The following UNC79 variants were observed in gnomAD, a reference collection of about 807,000 sequenced individuals.
UNC79 encodes the protein unc-79 subunit of NALCN channel complex, also known as protein unc-79 homolog.
Under a neutral mutation model 283.1 loss-of-function variants are expected in UNC79, and 37 were observed. The observed-to-expected ratio is 0.13, with a 90% CI of 0.10 to 0.17. The LOEUF (loss-of-function observed/expected upper bound fraction) is 0.17, where lower values mean the gene tolerates loss of function less well. Among genes scored for constraint, UNC79 ranks in the 10% least tolerant of loss-of-function variants. UNC79 has a pLI of 1.00. For missense variants in UNC79, 2,272 were observed against 3,211.1 expected (o/e 0.71, Z 7.07); for synonymous variants, 1,107 against 1,200.2 (o/e 0.92, Z 1.61).
chr14:93,500,987 CTT>C (rs1369128217), intron 7 of UNC79, among the ~76,000 whole-genome samples: 1 of 152,150 alleles, frequency 6.6e-6, no homozygotes, highest in African/African-American at 2.4e-5. Flanking sequence ...GAACCAGCAA[CTT>C]TTGTTTGTTT....
chr14:93,494,330 T>C lies in UNC79; in HGVS notation c.713-2081T>C, dbSNP rs199692687. Among the ~76,000 whole-genome samples, 15 of 152,160 alleles carry C rather than the reference T, an allele frequency of 9.9e-5. No homozygotes were observed. In the East Asian group the frequency reaches 2.9e-3, roughly 29 times the overall value. ...TTCTGCCAGGCCCCACCTCCAACAC[T>C]GGGGATTACAACTGAACATGAGATT... On this transcript the variant is annotated intron_variant, in intron 5 of 48. Coordinates refer to ENST00000555664, the Ensembl canonical transcript of UNC79.
intron 20 of UNC79, among the ~76,000 whole-genome samples, chr14:93,583,332 TAATA>T (rs796782748): frequency 2.0e-5 from 3 of 148,444 alleles, no homozygotes; most frequent in African/African-American, 7.5e-5. Flanking sequence ...AAAAAAAAAA[TAATA>T]AATAAATAAA....
intron 13 of UNC79, among the ~76,000 whole-genome samples, chr14:93,541,777 G>A (rs139345236): frequency 0.028 from 4,215 of 152,156 alleles, 216 homozygotes; most frequent in African/African-American, 0.097. Flanking sequence ...AGGCCAAGAC[G>A]GGCAGATCAC....
intron 14 of UNC79, among the ~76,000 whole-genome samples, chr14:93,570,812 CA>C (rs761100563): frequency 1.2e-4 from 19 of 152,128 alleles, no homozygotes; most frequent in Non-Finnish European, 1.8e-4. Context: ...TTAGGGTTTC[CA>C]AAAGCGTACT....
chr14:93,399,166 C>T (rs1296308627), intron 1 of UNC79, among the ~76,000 whole-genome samples: 1 of 152,088 alleles, frequency 6.6e-6, no homozygotes, highest in Non-Finnish European at 1.5e-5. Context: ...TGAGTAAGTA[C>T]AGCATGAGGA....
At position 93,347,494 on chromosome 14, in the gene UNC79, G is replaced by C; in HGVS notation, c.-351+13971G>C. On this transcript the variant is annotated intron_variant, in intron 1 of 49. Transcript: ENST00000256339. ...AGGGAGGACACGGCGTGCAGGCCTC[G>C]CGTGGGAGGCTCTTGTGGCTTGGTC... is the stretch of plus-strand genomic sequence containing the variant. The C allele has an allele frequency of 2.3e-6, 3 of 1,280,548 alleles. No homozygotes were observed. In the South Asian group the frequency reaches 5.4e-5, roughly 23 times the overall value. The allele number at this position is 1,280,548 out of a possible 1,614,324, so 79.3% of individuals were successfully genotyped here. A position where few individuals can be genotyped will look rare whatever the true frequency, so the allele number is the denominator to read the frequency against.
upstream of UNC79, among the ~76,000 whole-genome samples, chr14:93,426,697 T>G (rs528902731): frequency 1.1e-4 from 17 of 152,230 alleles, no homozygotes; most frequent in African/African-American, 4.1e-4. Flanking sequence ...TTTTGAGTTC[T>G]AAAATTTCCA....
chr14:93,365,770 A>G (rs1283501488), intron 1 of UNC79, among the ~76,000 whole-genome samples: 1 of 152,174 alleles, frequency 6.6e-6, no homozygotes, highest in Non-Finnish European at 1.5e-5. Context: ...TGGAATATAG[A>G]TTCAGGAATT....
In UNC79 at chr14:93,622,705, T is replaced by G. The variant is rs756495757; in HGVS notation, c.5472T>G (p.Ala1824=). The change falls in exon 30 of 49, where the codon GCT becomes GCG. Residue 1824 remains alanine, a synonymous_variant. Coordinates refer to ENST00000555664, the Ensembl canonical transcript of UNC79. ...AAAGGAAGGTGGAAGAGGATGGAGC[T>G]GAGGAATCCGAATTTAAGATTCAGA... The G allele has an allele frequency of 3.7e-6, 6 of 1,614,142 alleles. No homozygotes were observed. In the East Asian group the frequency reaches 1.3e-4, roughly 36 times the overall value.
chr14:93,480,798 G>A (rs1417940526), intron 4 of UNC79, among the ~76,000 whole-genome samples: 1 of 152,114 alleles, frequency 6.6e-6, no homozygotes, highest in Non-Finnish European at 1.5e-5. Flanking sequence ...ACCAAAACAA[G>A]ACAAGAACGC....
chr14:93,454,540 C>T (rs144447343), intron 1 of UNC79, among the ~76,000 whole-genome samples: 235 of 152,270 alleles, frequency 1.5e-3, no homozygotes, highest in Non-Finnish European at 2.6e-3. Flanking sequence ...CTATCATTTA[C>T]CTCCTATGTG....
At chr14:93,393,983 T>C (rs1425756355) in intron 1 of UNC79, among the ~76,000 whole-genome samples, 1 of 149,590 alleles carries the variant, frequency 6.7e-6, no homozygotes, top group Non-Finnish European at 1.5e-5. Flanking sequence ...TTTGTCAGGT[T>C]TTTTTTTTTA....
chr14:93,378,021 T>A (rs137879872), intron 1 of UNC79, among the ~76,000 whole-genome samples: 1 of 152,194 alleles, frequency 6.6e-6, no homozygotes, highest in East Asian at 1.9e-4. Flanking sequence ...ACTTAACACT[T>A]GTTTTAGAAA....
At chr14:93,461,001 C>T (rs191260775) in intron 1 of UNC79, among the ~76,000 whole-genome samples, 16 of 152,146 alleles carry the variant, frequency 1.1e-4, no homozygotes, top group Admixed American at 1.0e-3. Flanking sequence ...AATTATAAAA[C>T]CATTAAAATG....
intron 47 of UNC79, 132 bp from the exon 51 acceptor site, chr14:93,704,481 GATAACGGGTAGC>G (rs1411482506): frequency 1.1e-6 from 1 of 919,918 alleles, no homozygotes; most frequent in African/African-American, 1.7e-5. Context: ...ACATTTTGCT[GATAACGGGTAGC>G]CCTGCAGCAG....
At chr14:93,362,801 G>A (rs1222051985) in intron 1 of UNC79, among the ~76,000 whole-genome samples, 1 of 152,146 alleles carries the variant, frequency 6.6e-6, no homozygotes, top group Admixed American at 6.5e-5. Context: ...GTTTCTGAGA[G>A]ATTTTGTTTT....
At position 93,682,604 on chromosome 14, in the gene UNC79, A is replaced by G. The variant is rs2073936480; in HGVS notation, c.6742-13A>G. The G allele has an allele frequency of 6.2e-7, 1 of 1,610,766 alleles. No individual in the cohort carries two copies. The highest frequency in any genetic ancestry group is 1.3e-5 in the African/African-American group (1 of 74,852). ...TACCCTTAAAAATAATTATCCTTTCACTTTTTTATTAGTTTATTTGTGCAG... is the reference window on the plus strand; with the variant it reads ...TACCCTTAAAAATAATTATCCTTTCGCTTTTTTATTAGTTTATTTGTGCAG... On this transcript the variant is annotated splice_polypyrimidine_tract_variant and intron_variant, in intron 41 of 48. Transcript: ENST00000555664.
At chr14:93,572,789 G>T in exon 16 of UNC79, 1 of 1,613,952 alleles carries the variant, frequency 6.2e-7, no homozygotes, top group Non-Finnish European at 8.5e-7. Flanking sequence ...CCTCCTCTGT[G>T]CAGGAGCAAG....
chr14:93,586,799 A>G, exon 22 of UNC79: 1 of 1,614,016 alleles, frequency 6.2e-7, no homozygotes, highest in Non-Finnish European at 8.5e-7. Flanking sequence ...TCTTTTTAAT[A>G]TGCTCAATTG....
Sources: gnomAD v4.1 joint callset for allele counts (sites outside exome capture counted in the v4.1 genomes callset) on GRCh38, gnomAD v4.1.1 for gene constraint, MANE v1.5 for transcripts, NCBI Gene and HGNC (gene_info 2026-07-23, HGNC 2026-07-21) for gene names.